Variants in CEP295 observed in about 807,000 individuals in gnomAD.
The protein encoded by CEP295 is centrosomal protein 295.
CEP295 carries 190 observed loss-of-function variants against 291.6 expected under a neutral mutation model. That is an observed-to-expected ratio of 0.65 (90% CI 0.58 to 0.73). The LOEUF is 0.73. Ranked by LOEUF, CEP295 falls within the 30% of genes least tolerant of loss-of-function variation. The pLI, the probability that CEP295 is intolerant of heterozygous loss-of-function variation, is 0.00. For synonymous variants in CEP295, 993 were observed against 1,038.8 expected (o/e 0.96, Z 0.85); for missense variants, 2,863 against 2,949.4 (o/e 0.97, Z 0.68).
intron 3 of CEP295, 29 bp from the exon 4 acceptor site, chr11:93,668,779 A>G (rs755580091): frequency 1.4e-5 from 20 of 1,447,146 alleles, no homozygotes; most frequent in Admixed American, 2.7e-5. Flanking sequence ...CTTGTTTAAC[A>G]TGACATTTTA....
chr11:93,697,674 C>T lies in CEP295; in HGVS notation c.2762C>T (p.Ala921Val), dbSNP rs1951916631. ...TCTTCACCAACCAAGAATAATATTG[C>T]AGTTTCCTCAGACCATCATGTGATC... is the stretch of plus-strand genomic sequence containing the variant. ...QESSPTKNNI[A>V]VSSDHHVISQ... The change falls in exon 15 of 30, where the codon GCA becomes GTA. Residue 921 changes from alanine (A) to valine (V), a missense_variant. Coordinates refer to ENST00000325212, the MANE Select transcript of CEP295 (RefSeq NM_033395.2). 1.3e-6 allele frequency: 2 copies of T among 1,551,778 alleles called. No homozygotes were observed. Among genetic ancestry groups the T allele is most frequent in the South Asian group, 2.4e-5 (2 of 84,058 alleles).
chr11:93,700,987 ACT>A (rs1952122478), intron 15 of CEP295, among the ~76,000 whole-genome samples: 1 of 151,794 alleles, frequency 6.6e-6, no homozygotes, highest in Non-Finnish European at 1.5e-5. Context: ...TGTTCATAAG[ACT>A]CGGCCCAGTG....
At chr11:93,724,187 T>A in intron 21 of CEP295, 67 bp from the exon 22 acceptor site, 1 of 1,411,038 alleles carries the variant, frequency 7.1e-7, no homozygotes. Context: ...TTTCTAGTGT[T>A]TACCTTAAAA....
intron 25 of CEP295, chr11:93,729,147 T>C (rs1240457320): frequency 6.0e-6 from 3 of 502,644 alleles, no homozygotes; most frequent in Non-Finnish European, 1.1e-5. Context: ...CTGGTAATTT[T>C]ACTAGGGGAG....
rs530475758 is a variant in CEP295, at chr11:93,691,963, A to G, written c.1466A>G (p.Gln489Arg). The change falls in exon 12 of 30, where the codon CAG (glutamine) becomes CGG (arginine). Residue 489 changes from glutamine to arginine, a missense_variant. Physicochemically the swap from Gln to Arg is conservative, Grantham distance 43 (BLOSUM62 1). Around this residue, in one of 3 missense-constraint regions of CEP295, gnomAD observed 554 missense variants for 576.0 expected, o/e 0.96. Transcript: ENST00000325212. ...NETLPITTVA[Q>R]SSVLLHPQEA... ...ACTCTGCCTATCACAACTGTAGCTC[A>G]GAGTTCAGTTCTACTTCATCCTCAA... The G allele has an allele frequency of 3.9e-5, 60 of 1,546,100 alleles. 1 individual carries two copies. In the East Asian group the frequency reaches 6.6e-4, roughly 17 times the overall value.
chr11:93,666,235 C>A (rs748329988), intron 1 of CEP295, among the ~76,000 whole-genome samples: 1 of 152,118 alleles, frequency 6.6e-6, no homozygotes, highest in Non-Finnish European at 1.5e-5. Flanking sequence ...AGTTGGACTT[C>A]GTTTACTCAA....
chr11:93,672,222 AG>A (rs1393764980), intron 5 of CEP295, among the ~76,000 whole-genome samples: 1 of 152,200 alleles, frequency 6.6e-6, no homozygotes, highest in Non-Finnish European at 1.5e-5. Flanking sequence ...TATACTTCAG[AG>A]TTCATGCTAA....
intron 17 of CEP295, among the ~76,000 whole-genome samples, 194 bp downstream of exon 17, chr11:93,703,113 G>A (rs1032360103): frequency 1.9e-4 from 29 of 152,018 alleles, no homozygotes; most frequent in African/African-American, 5.3e-4. Context: ...ACAGGCGCCC[G>A]CCACCACACC....
intron 20 of CEP295, 42 bp from the exon 21 acceptor site, chr11:93,722,999 C>G (rs769030658): frequency 3.3e-6 from 5 of 1,525,430 alleles, no homozygotes; most frequent in African/African-American, 1.4e-5. Flanking sequence ...TGAGCCATCA[C>G]GCCTGGCCTA....
Position 93,720,421 on chromosome 11 carries a change from T to C in CEP295, c.5750-891T>C, listed in dbSNP as rs1161665300. On this transcript the variant is annotated intron_variant, in intron 18 of 29. Coordinates refer to ENST00000325212, the MANE Select transcript of CEP295 (RefSeq NM_033395.2). Reference sequence around the variant, plus strand: ...CCTGGGAGGTGGAGGTTGCAGTGAGTCGAGATTGCGCCACTGCATTCCAGC... The same window carrying C: ...CCTGGGAGGTGGAGGTTGCAGTGAGCCGAGATTGCGCCACTGCATTCCAGC... 2.1e-5 allele frequency among the ~76,000 whole-genome samples: 3 copies of C among 139,892 alleles called. No individual in the cohort carries two copies. The East Asian group carries it at 6.3e-4, about 29-fold the overall frequency. 91.8% of individuals were successfully genotyped at this position (139,892 alleles called of 152,430 possible). A position where few individuals can be genotyped will look rare whatever the true frequency, so the allele number is the denominator to read the frequency against.
At position 93,727,050 on chromosome 11, in the gene CEP295, A is replaced by G; in HGVS notation, c.6574A>G (p.Ser2192Gly). ...QEESQHADLPSIFSIEARDSS... is the reference protein window; with the variant it reads ...QEESQHADLPGIFSIEARDSS... The stretch of plus-strand genomic sequence containing the variant: ...GGAGAGCCAGCATGCTGATCTACCA[A>G]GTATTTTTAGCATTGAAGCAAGAGA... Residue 2192 changes from serine to glycine, a missense_variant, in exon 24 of 30, where the codon AGT becomes GGT. Around this residue, in one of 3 missense-constraint regions of CEP295, gnomAD observed 2,295 missense variants for 2,335.7 expected, o/e 0.98. Transcript: ENST00000325212. 1 of 1,551,784 alleles carries G rather than the reference A, an allele frequency of 6.4e-7. No homozygotes were observed. Among genetic ancestry groups the G allele is most frequent in the Non-Finnish European group, 8.7e-7 (1 of 1,146,830 alleles).
rs1237493215 is a variant in CEP295 at position 93,730,080 on chromosome 11, C to T, written c.7699C>T (p.Gln2567Ter). 21 of 1,547,608 alleles carry T rather than the reference C, an allele frequency of 1.4e-5. No individual in the cohort carries two copies. The highest frequency in any genetic ancestry group is 1.7e-5 in the Non-Finnish European group (19 of 1,146,082). ...LYNQLAEVKQ[Q>*]KEEKTKQEAY... ...CAATCAACTAGCTGAAGTGAAACAA[C>T]AAAAGGAAGAAAAAACAAAACAAGA... Residue 2567 changes from glutamine to a stop codon, truncating the protein, a stop_gained, in exon 29 of 30, where the codon CAA becomes TAA. Coordinates refer to ENST00000325212, the MANE Select transcript of CEP295 (RefSeq NM_033395.2). LOFTEE classifies it high-confidence loss of function.
chr11:93,722,277 G>A (rs655279), intron 20 of CEP295, among the ~76,000 whole-genome samples: 139,364 of 152,108 alleles, frequency 0.92, 64,732 homozygotes, highest in East Asian at 0.99. Context: ...CCTGGGCAAC[G>A]TGGTAGAACC....
At chr11:93,701,029 C>T (rs1952125608) in intron 15 of CEP295, among the ~76,000 whole-genome samples, 1 of 152,070 alleles carries the variant, frequency 6.6e-6, no homozygotes, top group Admixed American at 6.6e-5. Flanking sequence ...ATCTGGGAGA[C>T]AAGGGTATGT....
chr11:93,727,151 T>C lies in CEP295; in HGVS notation c.6675T>C (p.Ile2225=). 10 of 1,550,574 alleles carry C rather than the reference T, an allele frequency of 6.4e-6. No homozygotes were observed. The highest frequency in any genetic ancestry group is 8.7e-6 in the Non-Finnish European group (10 of 1,146,650). The change falls in exon 24 of 30, where the codon ATT becomes ATC. Residue 2225 remains isoleucine (I), a synonymous_variant. Transcript: ENST00000325212. Reference sequence around the variant, plus strand: ...AAATATTACAAAACAAGAAAAAAATTGTTCATTTCCAGCTTTCTATAGGAA... The same window carrying C: ...AAATATTACAAAACAAGAAAAAAATCGTTCATTTCCAGCTTTCTATAGGAA... ...HTEILQNKKK[I]VHFQLSIGNL...
intron 5 of CEP295, among the ~76,000 whole-genome samples, chr11:93,673,582 C>T (rs1950549009): frequency 1.3e-5 from 2 of 151,978 alleles, no homozygotes; most frequent in Admixed American, 6.6e-5. Flanking sequence ...CAACCTCTGC[C>T]TCCTGGGTTC....
rs756292948 is a variant in CEP295 at position 93,695,708 on chromosome 11, G to A, written c.1671+74G>A. The stretch of plus-strand genomic sequence containing the variant: ...GCAAGAAAATATGAGCACTTGTAGC[G>A]TTTAGAAAAGTAAAATGGATGGCTG... On this transcript the variant is annotated intron_variant, in intron 13 of 29. Coordinates refer to ENST00000325212, the MANE Select transcript of CEP295 (RefSeq NM_033395.2). 2.2e-5 allele frequency: 32 copies of A among 1,443,220 alleles called. 1 individual carries two copies. Among genetic ancestry groups the A allele is most frequent in the East Asian group, 5.6e-5 (2 of 35,468 alleles). The allele number at this position is 1,443,220 out of a possible 1,614,324, so 89.4% of individuals were successfully genotyped here. A position where few individuals can be genotyped will look rare whatever the true frequency, so the allele number is the denominator to read the frequency against.
At chr11:93,691,627 C>T in intron 10 of CEP295, 56 bp from the exon 11 acceptor site, 1 of 1,194,770 alleles carries the variant, frequency 8.4e-7, no homozygotes, top group Non-Finnish European at 1.2e-6. Flanking sequence ...TGTTATTTTG[C>T]TTTAAGTTTG....
chr11:93,728,625 G>A (rs1300921241), intron 24 of CEP295, 56 bp from the exon 25 acceptor site: 7 of 1,456,640 alleles, frequency 4.8e-6, no homozygotes, highest in African/African-American at 1.4e-5. Flanking sequence ...AAAACGATTA[G>A]TTTAAGTCTT....
Sources: gnomAD v4.1 joint callset for allele counts (sites outside exome capture counted in the v4.1 genomes callset) on GRCh38, gnomAD v4.1.1 for gene constraint, gnomAD v4.1.1 regional missense constraint, MANE v1.5 for transcripts, NCBI Gene and HGNC (gene_info 2026-07-23, HGNC 2026-07-21) for gene names.